PGGT1B: variants seen among roughly 807,000 people sequenced by gnomAD.
PGGT1B encodes protein geranylgeranyltransferase type I subunit beta, also known as geranylgeranyl transferase type-1 subunit beta.
A neutral mutation model predicts 46.1 loss-of-function variants in PGGT1B; 30 were observed. The observed-to-expected ratio is 0.65, with a 90% CI of 0.49 to 0.88. PGGT1B has a LOEUF of 0.88. Ranked by LOEUF, PGGT1B falls within the 40% of genes least tolerant of loss-of-function variation. The pLI is 0.00. For missense variants in PGGT1B, 376 were observed against 455.9 expected (o/e 0.82, Z 1.60); for synonymous variants, 170 against 160.0 (o/e 1.06, Z -0.47).
At chr5:115,254,597 T>G (rs1479275517) in intron 1 of PGGT1B, among the ~76,000 whole-genome samples, 1 of 102,598 alleles carries the variant, frequency 9.7e-6, no homozygotes, top group Non-Finnish European at 1.9e-5. Flanking sequence ...TAGTGATTTC[T>G]TCTCTTTTTT....
chr5:115,219,127 A>C (rs537544078), intron 7 of PGGT1B, among the ~76,000 whole-genome samples: 1 of 151,920 alleles, frequency 6.6e-6, no homozygotes, highest in Non-Finnish European at 1.5e-5. Flanking sequence ...TCAAATTGCA[A>C]GGGGCTCCAA....
rs554857864 is a variant in PGGT1B at position 115,246,154 on chromosome 5, C to G, written c.260-4548G>C. Among the ~76,000 whole-genome samples the G allele has an allele frequency of 8.5e-5, 13 of 152,134 alleles. No homozygotes were observed. The East Asian group carries it at 2.5e-3, about 29-fold the overall frequency. On this transcript the variant is annotated intron_variant, in intron 2 of 8. Transcript: ENST00000419445. ...ATCACCTGAGGTCAGGAGTTCGAGACCAGCCTGACCAACATGGAGAATTCT... is the reference window on the plus strand; with the variant it reads ...ATCACCTGAGGTCAGGAGTTCGAGAGCAGCCTGACCAACATGGAGAATTCT...
In PGGT1B at chr5:115,241,618, A is replaced by C; in HGVS notation, c.260-12T>G. On this transcript the variant is annotated splice_polypyrimidine_tract_variant and intron_variant, in intron 2 of 8. Transcript: ENST00000419445. Reference sequence around the variant, plus strand: ...ATTTAGATTTGATCCTAGAAAATAAAAGCATGTGCTTATTTAAAGTACACT... The same window carrying C: ...ATTTAGATTTGATCCTAGAAAATAACAGCATGTGCTTATTTAAAGTACACT... The C allele has an allele frequency of 1.3e-6, 2 of 1,595,522 alleles. No homozygotes were observed. The highest frequency in any genetic ancestry group is 1.7e-6 in the Non-Finnish European group (2 of 1,168,194).
intron 3 of PGGT1B, 138 bp downstream of exon 3, chr5:115,241,401 T>C: frequency 2.4e-6 from 1 of 411,914 alleles, no homozygotes; most frequent in Non-Finnish European, 4.4e-6. Context: ...CAGTTTATAA[T>C]ATATATATAT....
At position 115,216,929 on chromosome 5, in the gene PGGT1B, A is replaced by G. The variant is rs776666321; in HGVS notation, c.888T>C (p.Asn296=). 2 of 1,593,626 alleles carry G rather than the reference A, an allele frequency of 1.3e-6. No homozygotes were observed. The highest frequency in any genetic ancestry group is 2.2e-5 in the East Asian group (1 of 44,696). The change falls in exon 8 of 9, where the codon AAT becomes AAC. Residue 296 remains asparagine, a synonymous_variant. Transcript: ENST00000419445. ...FQYTNFEKNR[N]YILSTQDRLV... is the part of the protein sequence containing the mutation. The stretch of plus-strand genomic sequence containing the variant: ...GGCGATCTTGAGTTGATAAGATGTA[A>G]TTTCTATTTTTCTCAAAGTTAGTGT...
chr5:115,207,932 A>C lies in PGGT1B; in HGVS notation c.*4470T>G, dbSNP rs1018203779. 1 of 152,048 alleles carries C rather than the reference A, an allele frequency of 6.6e-6. No individual in the cohort carries two copies. The highest frequency in any genetic ancestry group is 2.4e-5 in the African/African-American group (1 of 41,440). 9.4% of individuals were successfully genotyped at this position (152,048 alleles called of 1,614,324 possible). ...GTTAATAGATTATTCATCAATTTCT[A>C]CTTAGTATAGTTAACATAAGTGAGT... On this transcript the variant is annotated 3_prime_UTR_variant, in exon 9 of 9. Transcript: ENST00000419445.
At chr5:115,234,833 T>C (rs1233410331) in intron 5 of PGGT1B, among the ~76,000 whole-genome samples, 2 of 152,054 alleles carry the variant, frequency 1.3e-5, no homozygotes, top group Non-Finnish European at 2.9e-5. Context: ...TTCATGATTT[T>C]AATATATAGA....
At position 115,208,145 on chromosome 5, in the gene PGGT1B, T is replaced by C. The variant is rs1228333535; in HGVS notation, c.*4257A>G. The C allele has an allele frequency of 6.6e-6, 1 of 152,094 alleles. No homozygotes were observed. Among genetic ancestry groups the C allele is most frequent in the Non-Finnish European group, 1.5e-5 (1 of 67,982 alleles). 9.4% of individuals were successfully genotyped at this position (152,094 alleles called of 1,614,324 possible). The stretch of plus-strand genomic sequence containing the variant: ...TTATCATTAAAACTTTTTATTAATA[T>C]TCATGAGATTGCTCTATATTTTCTT... On this transcript the variant is annotated 3_prime_UTR_variant, in exon 9 of 9. Transcript: ENST00000419445.
chr5:115,220,584 TA>T (rs1437555370), intron 7 of PGGT1B, among the ~76,000 whole-genome samples: 1 of 151,946 alleles, frequency 6.6e-6, no homozygotes, highest in African/African-American at 2.4e-5. Context: ...TACAAATGTT[TA>T]AACTGTTAGT....
At chr5:115,240,917 T>C (rs1336211035) in intron 3 of PGGT1B, among the ~76,000 whole-genome samples, 1 of 152,210 alleles carries the variant, frequency 6.6e-6, no homozygotes, top group Non-Finnish European at 1.5e-5. Context: ...ACCTACAAAG[T>C]TTCTTCTGGG....
chr5:115,211,598 C>CAAAAAAAAAAAA lies in PGGT1B; in HGVS notation c.*792_*803dup, dbSNP rs34207751. 2 of 72,870 alleles carry CAAAAAAAAAAAA rather than the reference C, an allele frequency of 2.7e-5. No individual in the cohort carries two copies. Among genetic ancestry groups the CAAAAAAAAAAAA allele is most frequent in the Non-Finnish European group, 5.2e-5 (2 of 38,682 alleles). 4.5% of individuals were successfully genotyped at this position (72,870 alleles called of 1,614,324 possible). Reference sequence around the variant, plus strand: ...AAAAGATTGTTTTCTTCCTAGAAAGCAAAAAAAAAAAAAAAAAAAAAAAGG... The same window carrying CAAAAAAAAAAAA: ...AAAAGATTGTTTTCTTCCTAGAAAGCAAAAAAAAAAAAAAAAAAAAAAAAAAAAAAAAAAAGG... On this transcript the variant is annotated 3_prime_UTR_variant, in exon 9 of 9. Coordinates refer to ENST00000419445, the MANE Select transcript of PGGT1B (RefSeq NM_005023.4).
At chr5:115,235,490 C>G (rs1290176656) in intron 5 of PGGT1B, among the ~76,000 whole-genome samples, 1 of 152,060 alleles carries the variant, frequency 6.6e-6, no homozygotes, top group Non-Finnish European at 1.5e-5. Flanking sequence ...ACTAACTTTA[C>G]AGAGAAAACT....
At chr5:115,221,632 T>C (rs1756592882) in intron 7 of PGGT1B, among the ~76,000 whole-genome samples, 192 bp downstream of exon 7, 1 of 151,768 alleles carries the variant, frequency 6.6e-6, no homozygotes, top group African/African-American at 2.4e-5. Context: ...AGAATGAAAA[T>C]TTTCAAGCAG....
At chr5:115,257,530 CAAAAAAAA>C (rs1169870044) in intron 1 of PGGT1B, among the ~76,000 whole-genome samples, 1 of 72,114 alleles carries the variant, frequency 1.4e-5, no homozygotes, top group Non-Finnish European at 2.6e-5. Context: ...AACTCCATCT[CAAAAAAAA>C]AAAAAAAAAA....
intron 2 of PGGT1B, among the ~76,000 whole-genome samples, chr5:115,246,378 A>C (rs1040647301): frequency 6.6e-6 from 1 of 151,496 alleles, no homozygotes; most frequent in East Asian, 1.9e-4. Context: ...AAAATTCACC[A>C]CTTAAAAATA....
intron 2 of PGGT1B, among the ~76,000 whole-genome samples, chr5:115,243,571 T>G (rs1757416097): frequency 6.6e-6 from 1 of 152,356 alleles, no homozygotes; most frequent in East Asian, 1.9e-4. Context: ...ATTTGTTCTC[T>G]GTATTAGTCA....
chr5:115,229,543 G>C (rs987764274), intron 6 of PGGT1B, among the ~76,000 whole-genome samples: 5 of 152,008 alleles, frequency 3.3e-5, no homozygotes, highest in African/African-American at 1.2e-4. Context: ...TTTCCTGACA[G>C]GACCCATTAG....
rs543153690 is a variant in PGGT1B, at chr5:115,262,817, C to A, written c.35G>T (p.Ser12Ile). ...GAAATCCAGCCGCTCTCCCTCACCG[C>A]TCCCTGCTAGCCTCTCATCCTCAGT... ...AATEDERLAG[S>I]GEGERLDFLR... Residue 12 changes from serine (S) to isoleucine (I), a missense_variant, in exon 1 of 9, where the codon AGC (serine) becomes ATC (isoleucine). Physicochemically the swap from Ser to Ile is moderately radical, Grantham distance 142. Transcript: ENST00000419445. The A allele has an allele frequency of 1.1e-5, 17 of 1,612,556 alleles. No homozygotes were observed. The highest frequency in any genetic ancestry group is 1.3e-5 in the Non-Finnish European group (15 of 1,179,940).
intron 7 of PGGT1B, among the ~76,000 whole-genome samples, chr5:115,219,469 C>A (rs1213202608): frequency 6.6e-6 from 1 of 151,782 alleles, no homozygotes; most frequent in African/African-American, 2.4e-5. Flanking sequence ...AAAGGCCCAA[C>A]ATTAAGGCCT....
Sources: allele counts gnomAD v4.1 joint callset (sites outside exome capture counted in the v4.1 genomes callset), GRCh38; gene constraint gnomAD v4.1.1; transcripts MANE v1.5; gene names NCBI Gene and HGNC (gene_info 2026-07-23, HGNC 2026-07-21).